The following DCAF7 variants were observed in gnomAD, a reference collection of about 807,000 sequenced individuals.
DCAF7 encodes the protein DDB1 and CUL4 associated factor 7, also known as DDB1- and CUL4-associated factor 7.
A neutral mutation model predicts 41.2 loss-of-function variants in DCAF7; 4 were observed. The observed-to-expected ratio is 0.10, with a 90% CI of 0.05 to 0.22. DCAF7 has a LOEUF of 0.22. DCAF7 is among the 10% of genes least tolerant of loss of function. The pLI is 1.00. For missense variants in DCAF7, 131 were observed against 443.2 expected (o/e 0.30, Z 6.32); for synonymous variants, 143 against 164.2 (o/e 0.87, Z 0.99).
chr17:63,586,797 C>T (rs2033681928), intron 6 of DCAF7, among the ~76,000 whole-genome samples: 1 of 152,000 alleles, frequency 6.6e-6, no homozygotes, highest in Admixed American at 6.6e-5. Context: ...GTTGTCAATG[C>T]ACTTTTATTG....
At chr17:63,564,720 A>G (rs1369156536) in intron 1 of DCAF7, among the ~76,000 whole-genome samples, 1 of 152,240 alleles carries the variant, frequency 6.6e-6, no homozygotes, top group Non-Finnish European at 1.5e-5. Flanking sequence ...GCCATGGGAC[A>G]TGTCTGACTG....
At chr17:63,583,288 A>C (rs1215778425) in intron 4 of DCAF7, among the ~76,000 whole-genome samples, 1 of 152,250 alleles carries the variant, frequency 6.6e-6, no homozygotes, top group Non-Finnish European at 1.5e-5. Context: ...GGAAGAAGCC[A>C]GCCAATTTCT....
rs1052403254 is a variant in DCAF7 at position 63,589,958 on chromosome 17, C to T, written c.*786C>T. Reference sequence around the variant, plus strand: ...CAGACATAGGAAGCCTCTGTTTACCCTGAAGCACCACTGTCCAGCCCATTG... The same window carrying T: ...CAGACATAGGAAGCCTCTGTTTACCTTGAAGCACCACTGTCCAGCCCATTG... On this transcript the variant is annotated 3_prime_UTR_variant, in exon 7 of 7. Coordinates refer to ENST00000614556, the MANE Select transcript of DCAF7 (RefSeq NM_005828.5). 1.3e-5 allele frequency: 2 copies of T among 152,688 alleles called. No individual in the cohort carries two copies. Among genetic ancestry groups the T allele is most frequent in the Admixed American group, 6.5e-5 (1 of 15,270 alleles). 9.5% of individuals were successfully genotyped at this position (152,688 alleles called of 1,614,324 possible). A position where few individuals can be genotyped will look rare whatever the true frequency, so the allele number is the denominator to read the frequency against.
At chr17:63,560,177 GA>G (rs1384806824) in intron 1 of DCAF7, among the ~76,000 whole-genome samples, 1 of 151,954 alleles carries the variant, frequency 6.6e-6, no homozygotes, top group Non-Finnish European at 1.5e-5. Context: ...GCTAGATTAG[GA>G]AAAATAAAAA....
rs1403644536 is a variant in DCAF7, at chr17:63,590,884, T to C, written c.*1712T>C. On this transcript the variant is annotated 3_prime_UTR_variant, in exon 7 of 7. Coordinates refer to ENST00000614556, the MANE Select transcript of DCAF7 (RefSeq NM_005828.5). ...AGTAGATGTCATTATATGCCAAAAG[T>C]CTAGCTCTTTGCTTTACCATACAGG... The C allele has an allele frequency of 6.6e-6, 1 of 152,214 alleles. No individual in the cohort carries two copies. 9.4% of individuals were successfully genotyped at this position (152,214 alleles called of 1,614,324 possible). A position where few individuals can be genotyped will look rare whatever the true frequency, so the allele number is the denominator to read the frequency against.
chr17:63,584,901 C>G (rs1042786271), intron 5 of DCAF7, among the ~76,000 whole-genome samples: 2 of 152,156 alleles, frequency 1.3e-5, no homozygotes, highest in Non-Finnish European at 2.9e-5. Context: ...GGCTCTCATT[C>G]CATTCATCTG....
intron 5 of DCAF7, among the ~76,000 whole-genome samples, chr17:63,585,009 C>T (rs2033662620): frequency 6.6e-6 from 1 of 152,180 alleles, no homozygotes; most frequent in Admixed American, 6.5e-5. Context: ...TCTAAAGGCC[C>T]AGTGTTGCTC....
Position 63,589,995 on chromosome 17 carries a change from CA to C in DCAF7, c.*824del, listed in dbSNP as rs1323001987. The C allele has an allele frequency of 6.6e-6, 1 of 152,636 alleles. No individual in the cohort carries two copies. The highest frequency in any genetic ancestry group is 1.5e-5 in the Non-Finnish European group (1 of 68,044). 9.5% of individuals were successfully genotyped at this position (152,636 alleles called of 1,614,324 possible). A position where few individuals can be genotyped will look rare whatever the true frequency, so the allele number is the denominator to read the frequency against. On this transcript the variant is annotated 3_prime_UTR_variant, in exon 7 of 7. Transcript: ENST00000614556. ...TGTCCAGCCCATTGGTTCCCACTGG[CA>C]GCATGGTAGAGCTGAGAGAAACAGG...
intron 6 of DCAF7, among the ~76,000 whole-genome samples, chr17:63,587,390 A>T (rs970315780): frequency 1.3e-5 from 2 of 151,550 alleles, no homozygotes; most frequent in African/African-American, 4.9e-5. Flanking sequence ...GAAAGGTGTC[A>T]TCCATTATTC....
chr17:63,558,903 TAATA>T (rs900866247), intron 1 of DCAF7, among the ~76,000 whole-genome samples: 1 of 152,238 alleles, frequency 6.6e-6, no homozygotes, highest in Non-Finnish European at 1.5e-5. Flanking sequence ...TGCAAAGATA[TAATA>T]AATAAGATCG....
intron 1 of DCAF7, among the ~76,000 whole-genome samples, chr17:63,577,666 T>C (rs1414748418): frequency 6.6e-6 from 1 of 152,164 alleles, no homozygotes; most frequent in Non-Finnish European, 1.5e-5. Context: ...GTGTTGAGTT[T>C]GGGGTTGGTG....
rs1397652800 is a variant in DCAF7 at position 63,589,822 on chromosome 17, G to A, written c.*650G>A. 6.2e-6 allele frequency: 1 copy of A among 161,866 alleles called. No individual in the cohort carries two copies. The highest frequency in any genetic ancestry group is 1.8e-4 in the East Asian group (1 of 5,488). 10.0% of individuals were successfully genotyped at this position (161,866 alleles called of 1,614,324 possible). A position where few individuals can be genotyped will look rare whatever the true frequency, so the allele number is the denominator to read the frequency against. On this transcript the variant is annotated 3_prime_UTR_variant, in exon 7 of 7. Coordinates refer to ENST00000614556, the MANE Select transcript of DCAF7 (RefSeq NM_005828.5). ...AGTTTGCCTTCTTGAGTCACTGCCTGTGTAGTACATACCTGACCGGGAGTC... is the reference window on the plus strand; with the variant it reads ...AGTTTGCCTTCTTGAGTCACTGCCTATGTAGTACATACCTGACCGGGAGTC...
rs766128261 is a variant in DCAF7, at chr17:63,583,663, C to T, written c.690C>T (p.Asn230=). ...QHHPLLRLCW[N]KQDPNYLATM... is the part of the protein sequence containing the mutation. ...ACCCACTGCTTCGCCTCTGCTGGAA[C>T]AAGCAGGACCCTAACTACCTGGCCA... The change falls in exon 5 of 7, where the codon AAC becomes AAT. Residue 230 remains asparagine, a synonymous_variant. Transcript: ENST00000614556. 3.1e-6 allele frequency: 5 copies of T among 1,613,528 alleles called. No individual in the cohort carries two copies. Among genetic ancestry groups the T allele is most frequent in the Non-Finnish European group, 3.4e-6 (4 of 1,179,574 alleles).
In DCAF7 at chr17:63,589,471, T is replaced by C. The variant is rs1438191936; in HGVS notation, c.*299T>C. On this transcript the variant is annotated 3_prime_UTR_variant, in exon 7 of 7. Coordinates refer to ENST00000614556, the MANE Select transcript of DCAF7 (RefSeq NM_005828.5). Reference sequence around the variant, plus strand: ...GTGTATATTTGTTTGTCAGGCGTTGTGTTGAGGAGCAGTTCACGCACTGGC... The same window carrying C: ...GTGTATATTTGTTTGTCAGGCGTTGCGTTGAGGAGCAGTTCACGCACTGGC... The C allele has an allele frequency of 2.4e-6, 1 of 413,794 alleles. No individual in the cohort carries two copies. Among genetic ancestry groups the C allele is most frequent in the African/African-American group, 2.0e-5 (1 of 49,030 alleles). The allele number at this position is 413,794 out of a possible 1,614,324, so 25.6% of individuals were successfully genotyped here. A position where few individuals can be genotyped will look rare whatever the true frequency, so the allele number is the denominator to read the frequency against.
In DCAF7 at chr17:63,589,796, C is replaced by T; in HGVS notation, c.*624C>T. The T allele has an allele frequency of 6.1e-6, 1 of 164,510 alleles. No homozygotes were observed. Among genetic ancestry groups the T allele is most frequent in the Middle Eastern group, 3.2e-3 (1 of 312 alleles). 10.2% of individuals were successfully genotyped at this position (164,510 alleles called of 1,614,324 possible). On this transcript the variant is annotated 3_prime_UTR_variant, in exon 7 of 7. Coordinates refer to ENST00000614556, the MANE Select transcript of DCAF7 (RefSeq NM_005828.5). The stretch of plus-strand genomic sequence containing the variant: ...GGTACTGGGCCCCTGGCCCCATGAG[C>T]AGTTTGCCTTCTTGAGTCACTGCCT...
rs2033758506 is a variant in DCAF7 at position 63,593,832 on chromosome 17, T to C, written c.*4660T>C. 6.6e-6 allele frequency: 1 copy of C among 152,664 alleles called. No individual in the cohort carries two copies. The highest frequency in any genetic ancestry group is 1.5e-5 in the Non-Finnish European group (1 of 68,046). The allele number at this position is 152,664 out of a possible 1,614,324, so 9.5% of individuals were successfully genotyped here. A position where few individuals can be genotyped will look rare whatever the true frequency, so the allele number is the denominator to read the frequency against. ...TATGTAGAAAATGGAGATTTCTTGC[T>C]CTGAAATGTTAAGCTCTAACTGATC... On this transcript the variant is annotated 3_prime_UTR_variant, in exon 7 of 7. Coordinates refer to ENST00000614556, the MANE Select transcript of DCAF7 (RefSeq NM_005828.5).
At position 63,574,592 on chromosome 17, in the gene DCAF7, A is replaced by G. The variant is rs780499280; in HGVS notation, c.139-3878A>G. 4.0e-4 allele frequency among the ~76,000 whole-genome samples: 61 copies of G among 152,258 alleles called. 1 individual carries two copies. Among genetic ancestry groups the G allele is most frequent in the Middle Eastern group, 3.2e-3 (1 of 316 alleles). On this transcript the variant is annotated intron_variant, in intron 1 of 6. Coordinates refer to ENST00000614556, the MANE Select transcript of DCAF7 (RefSeq NM_005828.5). Reference sequence around the variant, plus strand: ...AGCTACTAAAACTAATAACTAATGTAGCAAAGTTATAGAAGCCAAGATTAA... The same window carrying G: ...AGCTACTAAAACTAATAACTAATGTGGCAAAGTTATAGAAGCCAAGATTAA...
At chr17:63,576,389 TAAGCC>T (rs1036291500) in intron 1 of DCAF7, among the ~76,000 whole-genome samples, 1 of 151,972 alleles carries the variant, frequency 6.6e-6, no homozygotes, top group Admixed American at 6.6e-5. Flanking sequence ...GAGGTTGCCG[TAAGCC>T]AAGACTGTGC....
At chr17:63,561,674 C>G (rs564201972) in intron 1 of DCAF7, among the ~76,000 whole-genome samples, 10 of 152,218 alleles carry the variant, frequency 6.6e-5, no homozygotes, top group Middle Eastern at 6.9e-3. Flanking sequence ...GAGCCTAGAT[C>G]GAGCCACTGT....
Sources: gnomAD v4.1 joint callset for allele counts (sites outside exome capture counted in the v4.1 genomes callset) on GRCh38, gnomAD v4.1.1 for gene constraint, MANE v1.5 for transcripts, NCBI Gene and HGNC (gene_info 2026-07-23, HGNC 2026-07-21) for gene names.